Variants in LRRC3 observed in about 807,000 individuals in gnomAD.
LRRC3 encodes the protein leucine rich repeat containing 3.
For missense variants in LRRC3, 351 were observed against 361.6 expected, an observed-to-expected ratio of 0.97 and a Z score of 0.24; for synonymous variants, 172 against 164.1, an observed-to-expected ratio of 1.05 and a Z score of -0.37.
chr21:44,455,517 C>G lies in LRRC3; in HGVS notation c.-286C>G, dbSNP rs2051690065. Reference sequence around the variant, plus strand: ...CCCTCGCCCGCGCAGGCCGGAGTCGCGGCCTCCCCAGCTAGTGGTCGCGGG... The same window carrying G: ...CCCTCGCCCGCGCAGGCCGGAGTCGGGGCCTCCCCAGCTAGTGGTCGCGGG... On this transcript the variant is annotated 5_prime_UTR_variant, in exon 1 of 2. Coordinates refer to ENST00000291592, the MANE Select transcript of LRRC3 (RefSeq NM_030891.6). 2 of 151,698 alleles carry G rather than the reference C, an allele frequency of 1.3e-5. No individual in the cohort carries two copies. Among genetic ancestry groups the G allele is most frequent in the East Asian group, 2.0e-4 (1 of 5,114 alleles). The allele number at this position is 151,698 out of a possible 1,614,324, so 9.4% of individuals were successfully genotyped here. A position where few individuals can be genotyped will look rare whatever the true frequency, so the allele number is the denominator to read the frequency against.
At position 44,456,574 on chromosome 21, in the gene LRRC3, C is replaced by T; in HGVS notation, c.-71C>T. The T allele has an allele frequency of 6.7e-7, 1 of 1,484,092 alleles. No homozygotes were observed. The highest frequency in any genetic ancestry group is 9.0e-7 in the Non-Finnish European group (1 of 1,108,442). The allele number at this position is 1,484,092 out of a possible 1,614,324, so 91.9% of individuals were successfully genotyped here. ...TCATGTCTGGTTGGATAAGGCCTTG[C>T]CTGCGGAAACCAGCTCCATCCCCAG... On this transcript the variant is annotated 5_prime_UTR_variant, in exon 2 of 2. Coordinates refer to ENST00000291592, the MANE Select transcript of LRRC3 (RefSeq NM_030891.6).
In LRRC3 at chr21:44,456,998, G is replaced by C. The variant is rs1367855564; in HGVS notation, c.354G>C (p.Leu118=). ...FAGLAGGLRL[L]DLSYNRIQRI... ...GCCTGGCCGGGGGCCTGCGGCTGCTGGACCTGTCTTACAACCGCATCCAGA... is the reference window on the plus strand; with the variant it reads ...GCCTGGCCGGGGGCCTGCGGCTGCTCGACCTGTCTTACAACCGCATCCAGA... Residue 118 remains leucine (L), a synonymous_variant, in exon 2 of 2, where the codon CTG becomes CTC. Coordinates refer to ENST00000291592, the MANE Select transcript of LRRC3 (RefSeq NM_030891.6). The C allele has an allele frequency of 6.2e-7, 1 of 1,606,662 alleles. No individual in the cohort carries two copies. The highest frequency in any genetic ancestry group is 1.1e-5 in the South Asian group (1 of 91,036).
chr21:44,456,580 G>T lies in LRRC3; in HGVS notation c.-65G>T, dbSNP rs1601288273. 4.7e-6 allele frequency: 7 copies of T among 1,504,012 alleles called. No individual in the cohort carries two copies. The East Asian group carries it at 1.6e-4, about 34-fold the overall frequency. The allele number at this position is 1,504,012 out of a possible 1,614,324, so 93.2% of individuals were successfully genotyped here. ...CTGGTTGGATAAGGCCTTGCCTGCG[G>T]AAACCAGCTCCATCCCCAGGCCCTA... On this transcript the variant is annotated 5_prime_UTR_variant, in exon 2 of 2. Transcript: ENST00000291592.
rs750321909 is a variant in LRRC3 at position 44,456,857 on chromosome 21, C to T, written c.213C>T (p.Leu71=). 2.0e-5 allele frequency: 32 copies of T among 1,610,106 alleles called. No individual in the cohort carries two copies. The highest frequency in any genetic ancestry group is 2.2e-5 in the East Asian group (1 of 44,798). Residue 71 remains leucine, a synonymous_variant, in exon 2 of 2, where the codon CTC becomes CTT. Transcript: ENST00000291592. ...DIPANTVLLK[L]DANKISHLPD... is the part of the protein sequence containing the mutation. ...CGGCCAACACCGTGCTCCTGAAGCT[C>T]GATGCCAACAAGATCTCCCACCTCC...
rs920827617 is a variant in LRRC3 at position 44,460,084 on chromosome 21, G to A, written c.*2666G>A. The A allele has an allele frequency of 6.6e-6, 1 of 152,508 alleles. No homozygotes were observed. Among genetic ancestry groups the A allele is most frequent in the Admixed American group, 6.5e-5 (1 of 15,284 alleles). The allele number at this position is 152,508 out of a possible 1,614,324, so 9.4% of individuals were successfully genotyped here. ...ATGCTCACTGGAGCTCCCACCGTGG[G>A]TGCTTGCAAGTCCTCAGCGCTCCCG... On this transcript the variant is annotated 3_prime_UTR_variant, in exon 2 of 2. Coordinates refer to ENST00000291592, the MANE Select transcript of LRRC3 (RefSeq NM_030891.6).
rs977577928 is a variant in LRRC3, at chr21:44,455,591, G to A, written c.-212G>A. On this transcript the variant is annotated 5_prime_UTR_variant, in exon 1 of 2. Coordinates refer to ENST00000291592, the MANE Select transcript of LRRC3 (RefSeq NM_030891.6). The stretch of plus-strand genomic sequence containing the variant: ...GGCCGCCGCGCCAGGCGTGGAGCTG[G>A]GTCTGGCGGGCTCCGAGAGGCCCGG... 6 of 151,766 alleles carry A rather than the reference G, an allele frequency of 4.0e-5. No individual in the cohort carries two copies. The highest frequency in any genetic ancestry group is 1.4e-4 in the African/African-American group (6 of 41,490). 9.4% of individuals were successfully genotyped at this position (151,766 alleles called of 1,614,324 possible).
Position 44,458,088 on chromosome 21 carries a change from T to A in LRRC3, c.*670T>A, listed in dbSNP as rs1358654555. On this transcript the variant is annotated 3_prime_UTR_variant, in exon 2 of 2. Transcript: ENST00000291592. ...TAGTGCCAAAATTTCAGTTCAGTAA[T>A]GGGGTGAACAATATGGAGAGAGACC... 2 of 166,892 alleles carry A rather than the reference T, an allele frequency of 1.2e-5. No homozygotes were observed. 10.3% of individuals were successfully genotyped at this position (166,892 alleles called of 1,614,324 possible).
In LRRC3 at chr21:44,457,725, C is replaced by G. The variant is rs1459875676; in HGVS notation, c.*307C>G. On this transcript the variant is annotated 3_prime_UTR_variant, in exon 2 of 2. Coordinates refer to ENST00000291592, the MANE Select transcript of LRRC3 (RefSeq NM_030891.6). ...GCCTCCTTCCACCATGCCAGCCTCTCCCACACGGGGCCCTGCAGGCTGTGG... is the reference window on the plus strand; with the variant it reads ...GCCTCCTTCCACCATGCCAGCCTCTGCCACACGGGGCCCTGCAGGCTGTGG... The G allele has an allele frequency of 9.4e-6, 4 of 424,236 alleles. No individual in the cohort carries two copies. Among genetic ancestry groups the G allele is most frequent in the Non-Finnish European group, 1.8e-5 (4 of 225,358 alleles). 26.3% of individuals were successfully genotyped at this position (424,236 alleles called of 1,614,324 possible).
At position 44,457,434 on chromosome 21, in the gene LRRC3, A is replaced by AC. The variant is rs761052387; in HGVS notation, c.*21dup. On this transcript the variant is annotated 3_prime_UTR_variant, in exon 2 of 2. Transcript: ENST00000291592. ...GGGGCCCTAGCGCCTGTTCCGGCAG[A>AC]CCCCCGCCGGTGGCTGCTGTCACTT... 46 of 1,522,664 alleles carry AC rather than the reference A, an allele frequency of 3.0e-5. No homozygotes were observed. The highest frequency in any genetic ancestry group is 3.6e-5 in the Non-Finnish European group (41 of 1,132,944). 94.3% of individuals were successfully genotyped at this position (1,522,664 alleles called of 1,614,324 possible).
In LRRC3 at chr21:44,457,774, G is replaced by A. The variant is rs147063689; in HGVS notation, c.*356G>A. On this transcript the variant is annotated 3_prime_UTR_variant, in exon 2 of 2. Coordinates refer to ENST00000291592, the MANE Select transcript of LRRC3 (RefSeq NM_030891.6). ...GGATATGCACTCAGAGGACTAAGGG[G>A]GTGCTCTGCAAGCGAGAGGGTTCAC... 1.4e-5 allele frequency: 4 copies of A among 289,222 alleles called. No homozygotes were observed. The highest frequency in any genetic ancestry group is 2.1e-5 in the Non-Finnish European group (3 of 144,616). The allele number at this position is 289,222 out of a possible 1,614,324, so 17.9% of individuals were successfully genotyped here. A position where few individuals can be genotyped will look rare whatever the true frequency, so the allele number is the denominator to read the frequency against.
In LRRC3 at chr21:44,457,334, G is replaced by A; in HGVS notation, c.690G>A (p.Gln230=). The A allele has an allele frequency of 6.2e-7, 1 of 1,612,780 alleles. No homozygotes were observed. Among genetic ancestry groups the A allele is most frequent in the Non-Finnish European group, 8.5e-7 (1 of 1,179,324 alleles). The change falls in exon 2 of 2, where the codon CAG becomes CAA. Residue 230 remains glutamine, a synonymous_variant. Coordinates refer to ENST00000291592, the MANE Select transcript of LRRC3 (RefSeq NM_030891.6). ...TCGTGTACTATGTGCGCCACAACCA[G>A]GAGGATGCCCGGAGGCACCTGGAGT... ...AYVVYYVRHN[Q]EDARRHLEYL...
In LRRC3 at chr21:44,457,242, C is replaced by A. The variant is rs1490041269; in HGVS notation, c.598C>A (p.His200Asn). 6.2e-7 allele frequency: 1 copy of A among 1,613,978 alleles called. No homozygotes were observed. The highest frequency in any genetic ancestry group is 2.2e-5 in the East Asian group (1 of 44,888). Reference sequence around the variant, plus strand: ...GGGTGCCAGCCTCTGCAGCGTCCCCCACAGGACCACAGACGTGGCCATGCT... The same window carrying A: ...GGGTGCCAGCCTCTGCAGCGTCCCCAACAGGACCACAGACGTGGCCATGCT... ...DAGASLCSVP[H>N]RTTDVAMLVT... The change falls in exon 2 of 2, where the codon CAC becomes AAC. Residue 200 changes from histidine to asparagine, a missense_variant. Transcript: ENST00000291592.
In LRRC3 at chr21:44,457,751, A is replaced by T; in HGVS notation, c.*333A>T. 1 of 367,708 alleles carries T rather than the reference A, an allele frequency of 2.7e-6. No homozygotes were observed. The allele number at this position is 367,708 out of a possible 1,614,324, so 22.8% of individuals were successfully genotyped here. A position where few individuals can be genotyped will look rare whatever the true frequency, so the allele number is the denominator to read the frequency against. ...CCACACGGGGCCCTGCAGGCTGTGG[A>T]TATGCACTCAGAGGACTAAGGGGGT... On this transcript the variant is annotated 3_prime_UTR_variant, in exon 2 of 2. Coordinates refer to ENST00000291592, the MANE Select transcript of LRRC3 (RefSeq NM_030891.6).
Position 44,457,438 on chromosome 21 carries a change from C to G in LRRC3, c.*20C>G, listed in dbSNP as rs938016561. The G allele has an allele frequency of 6.5e-7, 1 of 1,546,326 alleles. No homozygotes were observed. The highest frequency in any genetic ancestry group is 2.0e-5 in the Admixed American group (1 of 51,280). On this transcript the variant is annotated 3_prime_UTR_variant, in exon 2 of 2. Transcript: ENST00000291592. ...CCCTAGCGCCTGTTCCGGCAGACCC[C>G]CGCCGGTGGCTGCTGTCACTTTTGT...
chr21:44,455,863 C>T (rs2051695164), intron 1 of LRRC3, among the ~76,000 whole-genome samples: 2 of 152,028 alleles, frequency 1.3e-5, no homozygotes, highest in South Asian at 4.1e-4. Context: ...GCCGCGCGCA[C>T]AGGGCTTGGC....
chr21:44,456,092 G>C (rs981959719), intron 1 of LRRC3, among the ~76,000 whole-genome samples: 1 of 152,168 alleles, frequency 6.6e-6, no homozygotes, highest in African/African-American at 2.4e-5. Flanking sequence ...CTTGACCCGC[G>C]CTCCAGGTTC....
Position 44,456,768 on chromosome 21 carries a change from C to T in LRRC3, c.124C>T (p.His42Tyr), listed in dbSNP as rs1292694905. 6.2e-7 allele frequency: 1 copy of T among 1,610,916 alleles called. No individual in the cohort carries two copies. ...CCCACAGCCCTGCCGGTGCCCTGAC[C>T]ACGCAGGGGCTGTGGCTGTCTTCTG... ...ACPQPCRCPD[H>Y]AGAVAVFCSL... Residue 42 changes from histidine (H) to tyrosine (Y), a missense_variant, in exon 2 of 2, where the codon CAC becomes TAC. By Grantham distance (83) the His-to-Tyr change is moderately conservative (BLOSUM62 2). Transcript: ENST00000291592.
In LRRC3 at chr21:44,461,879, G is replaced by T. The variant is rs575775192; in HGVS notation, c.*4461G>T. 2 of 152,670 alleles carry T rather than the reference G, an allele frequency of 1.3e-5. No homozygotes were observed. The highest frequency in any genetic ancestry group is 4.8e-5 in the African/African-American group (2 of 41,608). 9.5% of individuals were successfully genotyped at this position (152,670 alleles called of 1,614,324 possible). On this transcript the variant is annotated 3_prime_UTR_variant, in exon 2 of 2. Transcript: ENST00000291592. Reference sequence around the variant, plus strand: ...CCCACAGCACATAGCACGGAGGGCGGCGCGGAGTCCTGGACGCTCTTGGCA... The same window carrying T: ...CCCACAGCACATAGCACGGAGGGCGTCGCGGAGTCCTGGACGCTCTTGGCA...
chr21:44,456,944 C>T lies in LRRC3; in HGVS notation c.300C>T (p.Ile100=), dbSNP rs140245260. Residue 100 remains isoleucine (I), a synonymous_variant, in exon 2 of 2, where the codon ATC becomes ATT. Transcript: ENST00000291592. The part of the protein sequence containing the change: ...LRELDLSHNA[I]EAIGSATFAG... ...AGCTGGATCTGTCTCACAACGCCAT[C>T]GAGGCCATCGGCTCCGCCACCTTCG... 215 of 1,609,512 alleles carry T rather than the reference C, an allele frequency of 1.3e-4. 1 individual carries two copies. In the South Asian group the frequency reaches 2.0e-3, roughly 15 times the overall value.
Sources: gnomAD v4.1 joint callset for allele counts (sites outside exome capture counted in the v4.1 genomes callset) on GRCh38, gnomAD v4.1.1 for gene constraint, MANE v1.5 for transcripts, NCBI Gene and HGNC (gene_info 2026-07-23, HGNC 2026-07-21) for gene names.